SSR3: variants seen among roughly 807,000 people sequenced by gnomAD.
The protein encoded by SSR3 is signal sequence receptor subunit 3.
A neutral mutation model predicts 22.1 loss-of-function variants in SSR3; 10 were observed. The ratio of observed to expected loss-of-function variants is 0.45; its 90% confidence interval spans 0.28 to 0.77. The LOEUF (loss-of-function observed/expected upper bound fraction) is 0.77. SSR3 is among the 30% of genes least tolerant of loss of function. The pLI, the probability that SSR3 is intolerant of heterozygous loss-of-function variation, is 0.13. For synonymous variants in SSR3, 104 were observed against 82.5 expected (o/e 1.26, Z -1.42); for missense variants, 181 against 220.5 (o/e 0.82, Z 1.13).
In SSR3 at chr3:156,542,401, T is replaced by A. The variant is rs1002181354; in HGVS notation, c.*802A>T. ...TACATGTCAATATTCAGGAAAGAGG[T>A]TCTTTCTCTTACTTAACATTCCTCC... On this transcript the variant is annotated 3_prime_UTR_variant, in exon 5 of 5. Transcript: ENST00000265044. The A allele has an allele frequency of 1.3e-5, 2 of 152,138 alleles. No homozygotes were observed. Among genetic ancestry groups the A allele is most frequent in the African/African-American group, 4.8e-5 (2 of 41,424 alleles). 9.4% of individuals were successfully genotyped at this position (152,138 alleles called of 1,614,324 possible). A position where few individuals can be genotyped will look rare whatever the true frequency, so the allele number is the denominator to read the frequency against.
rs1720107430 is a variant in SSR3, at chr3:156,555,112, G to A, written c.-23C>T. On this transcript the variant is annotated 5_prime_UTR_variant, in exon 1 of 5. Coordinates refer to ENST00000265044, the MANE Select transcript of SSR3 (RefSeq NM_007107.5). ...CATGGCGGAGCTGCAGGCGAGAACA[G>A]GGAACGTAGAGCCGGCCGCCAAGGC... The A allele has an allele frequency of 3.7e-6, 6 of 1,610,560 alleles. No individual in the cohort carries two copies. The highest frequency in any genetic ancestry group is 1.1e-5 in the South Asian group (1 of 91,032).
At chr3:156,544,541 A>C (rs1719691848) in intron 3 of SSR3, 102 bp from the exon 4 acceptor site, 1 of 932,756 alleles carries the variant, frequency 1.1e-6, no homozygotes, top group Non-Finnish European at 1.5e-6. Flanking sequence ...TTTTTCCTTG[A>C]GTGTTCTAGG....
At chr3:156,554,853 C>T in intron 1 of SSR3, 104 bp downstream of exon 1, 1 of 1,452,456 alleles carries the variant, frequency 6.9e-7, no homozygotes, top group South Asian at 1.3e-5. Context: ...ATTGCCGACC[C>T]CCGGCCGGCA....
chr3:156,550,650 A>C (rs546378565), intron 2 of SSR3, among the ~76,000 whole-genome samples: 6 of 152,344 alleles, frequency 3.9e-5, no homozygotes, highest in African/African-American at 1.4e-4. Context: ...TTACTCTTTC[A>C]CATCAGTATG....
intron 2 of SSR3, 79 bp from the exon 3 acceptor site, chr3:156,549,082 C>T: frequency 7.2e-7 from 1 of 1,390,794 alleles, no homozygotes; most frequent in Non-Finnish European, 9.7e-7. Context: ...ACACACCGTA[C>T]TCATATTTCG....
At chr3:156,545,460 A>C (rs1480912864) in intron 3 of SSR3, among the ~76,000 whole-genome samples, 1 of 152,200 alleles carries the variant, frequency 6.6e-6, no homozygotes, top group East Asian at 1.9e-4. Flanking sequence ...TCTCCCAAAA[A>C]GATAAACCTA....
chr3:156,550,583 T>C lies in SSR3; in HGVS notation c.261-1580A>G, dbSNP rs1421436782. The stretch of plus-strand genomic sequence containing the variant: ...TAAAACAAAATAGAGGTCACGCTAG[T>C]GACCTAGCACTTAGTCAACTAAGAT... On this transcript the variant is annotated intron_variant, in intron 2 of 4. Coordinates refer to ENST00000265044, the MANE Select transcript of SSR3 (RefSeq NM_007107.5). Among the ~76,000 whole-genome samples, 4 of 152,286 alleles carry C rather than the reference T, an allele frequency of 2.6e-5. No individual in the cohort carries two copies. The East Asian group carries it at 7.8e-4, about 30-fold the overall frequency.
intron 2 of SSR3, among the ~76,000 whole-genome samples, chr3:156,552,510 G>A (rs1719999662): frequency 1.3e-5 from 2 of 152,176 alleles, no homozygotes; most frequent in South Asian, 4.1e-4. Context: ...AGACCAGATG[G>A]AGGTTGTTAC....
At chr3:156,544,859 A>C (rs1297225097) in intron 3 of SSR3, among the ~76,000 whole-genome samples, 1 of 152,192 alleles carries the variant, frequency 6.6e-6, no homozygotes, top group Non-Finnish European at 1.5e-5. Context: ...TTCAGACTTC[A>C]ATATCACACC....
At chr3:156,544,173 C>A in intron 4 of SSR3, 135 bp downstream of exon 4, 1 of 626,428 alleles carries the variant, frequency 1.6e-6, no homozygotes, top group Non-Finnish European at 2.4e-6. Flanking sequence ...AGAAAGTTAT[C>A]TAAAGTCAGC....
intron 4 of SSR3, 29 bp from the exon 5 acceptor site, chr3:156,543,298 T>C: frequency 6.3e-7 from 1 of 1,589,350 alleles, no homozygotes; most frequent in Non-Finnish European, 8.6e-7. Flanking sequence ...TATGGAAAAA[T>C]GAGTAACTCC....
At position 156,548,958 on chromosome 3, in the gene SSR3, T is replaced by A. The variant is rs762531222; in HGVS notation, c.306A>T (p.Arg102=). The change falls in exon 3 of 5, where the codon CGA becomes CGT. Residue 102 remains arginine, a synonymous_variant. Transcript: ENST00000265044. ...TTCTATTATCAGCTTCAGAAAGTTT[T>A]CGAGTCACTTCTTTGGAAACAGCAT... ...REDAVSKEVT[R]KLSEADNRKM... The A allele has an allele frequency of 6.2e-7, 1 of 1,613,510 alleles. No individual in the cohort carries two copies. Among genetic ancestry groups the A allele is most frequent in the Non-Finnish European group, 8.5e-7 (1 of 1,179,892 alleles).
At chr3:156,548,824 C>A in intron 3 of SSR3, 81 bp downstream of exon 3, 1 of 1,549,154 alleles carries the variant, frequency 6.5e-7, no homozygotes, top group Non-Finnish European at 8.7e-7. Flanking sequence ...TTCCAAAATC[C>A]AAATTCTTTA....
intron 1 of SSR3, chr3:156,554,684 C>T (rs1414061624): frequency 6.5e-6 from 3 of 460,556 alleles, no homozygotes; most frequent in Non-Finnish European, 1.2e-5. Flanking sequence ...GGGCCGCCAC[C>T]CCAGAACTAG....
chr3:156,548,794 C>A (rs2108448219), intron 3 of SSR3, 111 bp downstream of exon 3: 1 of 1,407,644 alleles, frequency 7.1e-7, no homozygotes, highest in South Asian at 1.3e-5. Flanking sequence ...TACTACAATT[C>A]CAAAATTTAC....
Position 156,543,223 on chromosome 3 carries a change from G to A in SSR3, c.538C>T (p.Leu180=). ...ATGGTCTATTTGGAGCCAGTAGACAGGAGGGCGATGAGTCCTGATGAAGCA... is the reference window on the plus strand; with the variant it reads ...ATGGTCTATTTGGAGCCAGTAGACAAGAGGGCGATGAGTCCTGATGAAGCA... ...ISASSGLIAL[L]STGSK Residue 180 remains leucine, a synonymous_variant, in exon 5 of 5, where the codon CTG becomes TTG. Transcript: ENST00000265044. 6.2e-7 allele frequency: 1 copy of A among 1,613,978 alleles called. No homozygotes were observed. Among genetic ancestry groups the A allele is most frequent in the Non-Finnish European group, 8.5e-7 (1 of 1,179,960 alleles).
Position 156,553,640 on chromosome 3 carries a change from G to A in SSR3, c.260+15C>T. ...TAACATGTAGTACGTACTTTCACTT[G>A]AAAAACATACTTACTTGTGCTTGAG... On this transcript the variant is annotated intron_variant, in intron 2 of 4. Coordinates refer to ENST00000265044, the MANE Select transcript of SSR3 (RefSeq NM_007107.5). 6.2e-7 allele frequency: 1 copy of A among 1,607,960 alleles called. No homozygotes were observed. The highest frequency in any genetic ancestry group is 8.5e-7 in the Non-Finnish European group (1 of 1,178,658).
Position 156,543,161 on chromosome 3 carries a change from G to T in SSR3, c.*42C>A. 6.3e-7 allele frequency: 1 copy of T among 1,581,422 alleles called. No homozygotes were observed. ...CCTGCTACTTTTCCATATACCACAGGCCACCCATAGACACAAAGCCAGGGG... is the reference window on the plus strand; with the variant it reads ...CCTGCTACTTTTCCATATACCACAGTCCACCCATAGACACAAAGCCAGGGG... On this transcript the variant is annotated 3_prime_UTR_variant, in exon 5 of 5. Coordinates refer to ENST00000265044, the MANE Select transcript of SSR3 (RefSeq NM_007107.5).
chr3:156,551,841 T>A (rs969111331), intron 2 of SSR3, among the ~76,000 whole-genome samples: 1 of 152,088 alleles, frequency 6.6e-6, no homozygotes, highest in African/African-American at 2.4e-5. Flanking sequence ...AGGAAGTAAG[T>A]TAATCCTAAA....
Sources: allele counts gnomAD v4.1 joint callset (sites outside exome capture counted in the v4.1 genomes callset), GRCh38; gene constraint gnomAD v4.1.1; transcripts MANE v1.5; gene names NCBI Gene and HGNC (gene_info 2026-07-23, HGNC 2026-07-21).